The following CDK6 variants were observed in gnomAD, a reference collection of about 807,000 sequenced individuals.
CDK6 encodes the protein cyclin-dependent kinase 6.
A neutral mutation model predicts 37.1 loss-of-function variants in CDK6; 6 were observed. The ratio of observed to expected loss-of-function variants is 0.16; its 90% CI spans 0.09 to 0.32. CDK6 has a LOEUF of 0.32. CDK6 is among the 10% of genes least tolerant of loss of function. CDK6 has a pLI of 1.00. For synonymous variants in CDK6, 160 were observed against 161.3 expected (o/e 0.99, Z 0.06); for missense variants, 224 against 418.9 (o/e 0.53, Z 4.06).
chr7:92,770,800 A>G (rs561004638), intron 3 of CDK6, among the ~76,000 whole-genome samples: 43 of 152,310 alleles, frequency 2.8e-4, no homozygotes, highest in South Asian at 8.3e-4. Context: ...GAATATCCTG[A>G]GTTTCAGTGG....
chr7:92,659,574 G>C (rs1796788931), intron 5 of CDK6, among the ~76,000 whole-genome samples: 1 of 151,200 alleles, frequency 6.6e-6, no homozygotes, highest in South Asian at 2.1e-4. Context: ...CAAATGTTCA[G>C]AAAAAGGAAT....
intron 5 of CDK6, among the ~76,000 whole-genome samples, chr7:92,650,402 T>C (rs1050985459): frequency 2.6e-5 from 4 of 152,206 alleles, no homozygotes; most frequent in Admixed American, 2.6e-4. Context: ...GTTTATTGTT[T>C]ATTCCACGAT....
At chr7:92,793,415 G>T (rs1800329762) in intron 2 of CDK6, among the ~76,000 whole-genome samples, 1 of 152,120 alleles carries the variant, frequency 6.6e-6, no homozygotes, top group South Asian at 2.1e-4. Flanking sequence ...ACAGATCAAT[G>T]AAATATAATT....
At chr7:92,728,366 A>T (rs1324930511) in intron 3 of CDK6, among the ~76,000 whole-genome samples, 1 of 152,196 alleles carries the variant, frequency 6.6e-6, no homozygotes, top group Admixed American at 6.5e-5. Flanking sequence ...TATTTAAGTA[A>T]AAGTGGTTAT....
At position 92,764,307 on chromosome 7, in the gene CDK6, T is replaced by A. The variant is rs115049232; in HGVS notation, c.369+10389A>T. Among the ~76,000 whole-genome samples the A allele has an allele frequency of 4.8e-3, 729 of 152,066 alleles. 7 individuals carry two copies. Among genetic ancestry groups the A allele is most frequent in the African/African-American group, 0.017 (701 of 41,474 alleles). On this transcript the variant is annotated intron_variant, in intron 3 of 7. Coordinates refer to ENST00000424848, the MANE Select transcript of CDK6 (RefSeq NM_001145306.2). ...GTATGCACCACAACACCTGGCTAAT[T>A]TTTGTATTTTTTGTCAAGACAGGGT...
intron 3 of CDK6, among the ~76,000 whole-genome samples, chr7:92,773,052 T>TA (rs1434096809): frequency 1.8e-4 from 28 of 152,324 alleles, no homozygotes; most frequent in Non-Finnish European, 3.2e-4. Context: ...AAAGTCATTT[T>TA]AAAAATAATT....
At chr7:92,786,081 A>G (rs1458071954) in intron 2 of CDK6, among the ~76,000 whole-genome samples, 5 of 152,230 alleles carry the variant, frequency 3.3e-5, no homozygotes, top group African/African-American at 1.2e-4. Flanking sequence ...TAAGTCAGAT[A>G]GAGTGTGGAA....
chr7:92,788,181 A>G (rs910835132), intron 2 of CDK6, among the ~76,000 whole-genome samples: 11 of 152,202 alleles, frequency 7.2e-5, no homozygotes, highest in African/African-American at 1.7e-4. Flanking sequence ...CTATATTTCT[A>G]TAAGTCCATT....
At chr7:92,754,951 A>G (rs1427855856) in intron 3 of CDK6, among the ~76,000 whole-genome samples, 1 of 152,246 alleles carries the variant, frequency 6.6e-6, no homozygotes, top group East Asian at 1.9e-4. Flanking sequence ...TAAATTACCA[A>G]CAATTAACAG....
At chr7:92,715,844 A>G (rs903933401) in intron 4 of CDK6, among the ~76,000 whole-genome samples, 1 of 152,204 alleles carries the variant, frequency 6.6e-6, no homozygotes, top group African/African-American at 2.4e-5. Flanking sequence ...GAGATTTTCA[A>G]CCCCTTCTTG....
chr7:92,791,499 G>C (rs1331654554), intron 2 of CDK6, among the ~76,000 whole-genome samples: 1 of 152,112 alleles, frequency 6.6e-6, no homozygotes, highest in Non-Finnish European at 1.5e-5. Flanking sequence ...TTGGTACCAG[G>C]CCTCAGACCA....
At chr7:92,780,295 G>A (rs1277535248) in intron 2 of CDK6, among the ~76,000 whole-genome samples, 1 of 152,112 alleles carries the variant, frequency 6.6e-6, no homozygotes, top group Non-Finnish European at 1.5e-5. Flanking sequence ...TAACAAATGA[G>A]TTTCATATAC....
intron 2 of CDK6, among the ~76,000 whole-genome samples, chr7:92,805,907 T>C (rs1275096101): frequency 6.6e-6 from 1 of 152,204 alleles, no homozygotes; most frequent in African/African-American, 2.4e-5. Flanking sequence ...TATTTAAAAA[T>C]GTATCTTCTT....
At chr7:92,680,988 C>T (rs1440189154) in intron 4 of CDK6, among the ~76,000 whole-genome samples, 1 of 152,160 alleles carries the variant, frequency 6.6e-6, no homozygotes, top group Non-Finnish European at 1.5e-5. Context: ...TTTACAGTGT[C>T]ATGCATGGAA....
At chr7:92,790,844 T>A (rs1177894969) in intron 2 of CDK6, among the ~76,000 whole-genome samples, 2 of 152,106 alleles carry the variant, frequency 1.3e-5, no homozygotes, top group Non-Finnish European at 1.5e-5. Context: ...CCCAAGCAAG[T>A]GGCAAAGAAA....
At chr7:92,689,683 G>A (rs1178661401) in intron 4 of CDK6, among the ~76,000 whole-genome samples, 1 of 152,144 alleles carries the variant, frequency 6.6e-6, no homozygotes, top group African/African-American at 2.4e-5. Context: ...TGGTACTTCT[G>A]TCTTTAGGTC....
intron 3 of CDK6, among the ~76,000 whole-genome samples, chr7:92,771,193 G>A (rs1477812655): frequency 1.4e-5 from 2 of 146,616 alleles, no homozygotes; most frequent in African/African-American, 5.1e-5. Context: ...TTGAGATCGC[G>A]CCACTGCACT....
intron 5 of CDK6, among the ~76,000 whole-genome samples, chr7:92,631,557 C>T (rs955625529): frequency 1.3e-5 from 2 of 152,200 alleles, no homozygotes; most frequent in African/African-American, 2.4e-5. Context: ...TTATTTCTCT[C>T]TTTCAGTAAA....
intron 3 of CDK6, among the ~76,000 whole-genome samples, chr7:92,726,401 G>T (rs1798513408): frequency 6.6e-6 from 1 of 152,122 alleles, no homozygotes; most frequent in African/African-American, 2.4e-5. Flanking sequence ...ACTAGCAAGA[G>T]AGTGCTGATT....
Sources: allele counts gnomAD v4.1 joint callset (sites outside exome capture counted in the v4.1 genomes callset), GRCh38; gene constraint gnomAD v4.1.1; transcripts MANE v1.5; gene names NCBI Gene and HGNC (gene_info 2026-07-23, HGNC 2026-07-21).